The following CTTNBP2 variants were observed in gnomAD, a reference collection of about 807,000 sequenced individuals.
CTTNBP2 encodes the protein cortactin binding protein 2, also known as cortactin-binding protein 2.
Under a neutral mutation model 156.9 loss-of-function variants are expected in CTTNBP2, and 108 were observed. The ratio of observed to expected loss-of-function variants is 0.69; its 90% CI spans 0.59 to 0.81. CTTNBP2 has a LOEUF of 0.81. CTTNBP2 is among the 30% of genes least tolerant of loss of function. The pLI is 0.00. For missense variants in CTTNBP2, 1,924 were observed against 2,035.4 expected (o/e 0.95, Z 1.05); for synonymous variants, 767 against 751.8 (o/e 1.02, Z -0.33).
At position 117,718,043 on chromosome 7, in the gene CTTNBP2, TTATTAA is replaced by T. The variant is rs758861981; in HGVS notation, c.4715_4720del (p.Ile1572_Asn1573del). On this transcript the variant is annotated inframe_deletion, in exon 22 of 23. Transcript: ENST00000160373. ...CTTTTGTGACACTGGCATTCTCAGA[TTATTAA>T]TAGTTGCTGAAAGTACAGGGTTGTT... 6.8e-6 allele frequency: 11 copies of T among 1,611,130 alleles called. No homozygotes were observed. Among genetic ancestry groups the T allele is most frequent in the East Asian group, 2.2e-5 (1 of 44,832 alleles).
At chr7:117,732,649 C>CAAAAAA (rs397710322) in intron 16 of CTTNBP2, among the ~76,000 whole-genome samples, 2 of 43,032 alleles carry the variant, frequency 4.6e-5, no homozygotes, top group African/African-American at 8.6e-5. Flanking sequence ...GACTCCGTCT[C>CAAAAAA]AAAAAAAAAA....
intron 14 of CTTNBP2, among the ~76,000 whole-genome samples, chr7:117,738,046 C>A (rs1795802615): frequency 6.6e-6 from 1 of 152,196 alleles, no homozygotes; most frequent in Non-Finnish European, 1.5e-5. Flanking sequence ...GGGCTGGGAA[C>A]TTGGGGTGGT....
Position 117,780,410 on chromosome 7 carries a change from T to C in CTTNBP2, c.2523+31A>G, listed in dbSNP as rs4463345. The C allele has an allele frequency of 6.3e-6, 9 of 1,432,650 alleles. No homozygotes were observed. The East Asian group carries it at 1.3e-4, about 20-fold the overall frequency. The allele number at this position is 1,432,650 out of a possible 1,614,324, so 88.7% of individuals were successfully genotyped here. A position where few individuals can be genotyped will look rare whatever the true frequency, so the allele number is the denominator to read the frequency against. On this transcript the variant is annotated intron_variant, in intron 7 of 22. Coordinates refer to ENST00000160373, the MANE Select transcript of CTTNBP2 (RefSeq NM_033427.3). ...TTACAAATATATTGCAAATTATATATACAGGGGGAAAAAAACAGACTGCTA... is the reference window on the plus strand; with the variant it reads ...TTACAAATATATTGCAAATTATATACACAGGGGGAAAAAAACAGACTGCTA...
At chr7:117,738,509 G>A (rs565996845) in intron 14 of CTTNBP2, among the ~76,000 whole-genome samples, 2 of 152,244 alleles carry the variant, frequency 1.3e-5, no homozygotes, top group African/African-American at 4.8e-5. Flanking sequence ...CAGGACCAAC[G>A]CACAGAATGA....
chr7:117,861,351 C>T (rs779912441), intron 1 of CTTNBP2, 35 bp from the exon 2 acceptor site: 1 of 1,470,762 alleles, frequency 6.8e-7, no homozygotes, highest in Admixed American at 1.8e-5. Context: ...CATGAAAAAT[C>T]TTTTCCTAAG....
intron 1 of CTTNBP2, among the ~76,000 whole-genome samples, chr7:117,872,511 T>C (rs1047698574): frequency 4.6e-5 from 7 of 150,810 alleles, no homozygotes; most frequent in Non-Finnish European, 3.0e-5. Flanking sequence ...TTCCCCAAAG[T>C]AGAGGCTGGA....
At chr7:117,719,435 T>C (rs777426780) in intron 21 of CTTNBP2, 69 bp downstream of exon 21, 84 of 1,400,648 alleles carry the variant, frequency 6.0e-5, no homozygotes, top group Non-Finnish European at 7.7e-5. Context: ...TTTTAGGGAA[T>C]TGTGGTCCCC....
At chr7:117,839,462 T>C (rs1010129343) in intron 2 of CTTNBP2, among the ~76,000 whole-genome samples, 1 of 143,252 alleles carries the variant, frequency 7.0e-6, no homozygotes, top group Admixed American at 7.1e-5. Context: ...AATCCTCTAG[T>C]CATAGCTAAG....
intron 22 of CTTNBP2, among the ~76,000 whole-genome samples, chr7:117,713,158 C>T (rs1241006561): frequency 3.3e-5 from 5 of 152,148 alleles, no homozygotes; most frequent in African/African-American, 7.2e-5. Context: ...TACCCAGGTC[C>T]GTGGAAAAAT....
At chr7:117,848,130 T>C (rs1802714798) in intron 2 of CTTNBP2, among the ~76,000 whole-genome samples, 1 of 152,134 alleles carries the variant, frequency 6.6e-6, no homozygotes, top group Admixed American at 6.5e-5. Context: ...CTAACCATAT[T>C]TGAATACTTG....
At chr7:117,802,931 G>A (rs988143184) in intron 3 of CTTNBP2, among the ~76,000 whole-genome samples, 11 of 152,124 alleles carry the variant, frequency 7.2e-5, no homozygotes, top group Admixed American at 1.3e-4. Flanking sequence ...ATACACTGTC[G>A]GTAGAAATGT....
At chr7:117,860,487 C>T (rs1170599882) in intron 2 of CTTNBP2, among the ~76,000 whole-genome samples, 5 of 152,028 alleles carry the variant, frequency 3.3e-5, no homozygotes, top group South Asian at 2.1e-4. Flanking sequence ...GGACTACACG[C>T]GCCCGCCACC....
intron 2 of CTTNBP2, among the ~76,000 whole-genome samples, chr7:117,843,629 G>C (rs928592029): frequency 2.0e-5 from 3 of 152,158 alleles, no homozygotes; most frequent in Non-Finnish European, 4.4e-5. Flanking sequence ...TGAGGCCACA[G>C]AAAGGCCTTG....
intron 14 of CTTNBP2, among the ~76,000 whole-genome samples, chr7:117,739,155 G>C (rs1795861259): frequency 6.6e-6 from 1 of 152,036 alleles, no homozygotes; most frequent in Non-Finnish European, 1.5e-5. Flanking sequence ...AGTCAAGGTG[G>C]GGCAAAGGTT....
chr7:117,840,958 G>T (rs866290550), intron 2 of CTTNBP2, among the ~76,000 whole-genome samples: 27 of 152,214 alleles, frequency 1.8e-4, no homozygotes, highest in Middle Eastern at 3.4e-3. Context: ...AAAACACATA[G>T]AGATTTTGTT....
intron 3 of CTTNBP2, among the ~76,000 whole-genome samples, chr7:117,802,445 A>C (rs1385941393): frequency 1.4e-5 from 2 of 142,930 alleles, no homozygotes; most frequent in African/African-American, 2.6e-5. Flanking sequence ...GGCAAAAAAA[A>C]AAAAAAAAAA....
At chr7:117,788,542 C>T (rs762088245) in intron 4 of CTTNBP2, among the ~76,000 whole-genome samples, 6 of 152,184 alleles carry the variant, frequency 3.9e-5, no homozygotes, top group Admixed American at 1.3e-4. Context: ...GAGGCACAAG[C>T]TCAACCAGGC....
At chr7:117,839,794 C>T (rs761074845) in intron 2 of CTTNBP2, among the ~76,000 whole-genome samples, 3 of 152,140 alleles carry the variant, frequency 2.0e-5, no homozygotes, top group Non-Finnish European at 4.4e-5. Context: ...ATCTACAGGG[C>T]CCCATGGCAT....
chr7:117,863,545 C>T (rs1004487357), intron 1 of CTTNBP2, among the ~76,000 whole-genome samples: 5 of 152,172 alleles, frequency 3.3e-5, no homozygotes, highest in East Asian at 1.9e-4. Flanking sequence ...TCAGTGAGTC[C>T]GAGGTGGGGC....
Sources: allele counts gnomAD v4.1 joint callset (sites outside exome capture counted in the v4.1 genomes callset), GRCh38; gene constraint gnomAD v4.1.1; transcripts MANE v1.5; gene names NCBI Gene and HGNC (gene_info 2026-07-23, HGNC 2026-07-21).